Variants in GRID1 observed in about 807,000 individuals in gnomAD.
GRID1 encodes glutamate receptor ionotropic, delta-1.
Under a neutral mutation model 98.0 loss-of-function variants are expected in GRID1, and 28 were observed. The observed-to-expected ratio is 0.29, with a 90% CI of 0.21 to 0.39. GRID1 has a LOEUF of 0.39. Among genes scored for constraint, GRID1 ranks in the 10% least tolerant of loss-of-function variants. The probability of loss-of-function intolerance (pLI) is 1.00; values close to 1 mark genes in which losing one functional copy is unlikely to be tolerated. For synonymous variants in GRID1, 553 were observed against 538.5 expected (o/e 1.03, Z -0.37); for missense variants, 1,111 against 1,340.5 (o/e 0.83, Z 2.67).
At chr10:85,943,566 C>A (rs1262888632) in intron 4 of GRID1, among the ~76,000 whole-genome samples, 1 of 152,152 alleles carries the variant, frequency 6.6e-6, no homozygotes, top group African/African-American at 2.4e-5. Context: ...GGGATTGAAT[C>A]TACCCCCACC....
intron 8 of GRID1, among the ~76,000 whole-genome samples, chr10:85,853,453 G>A (rs1843079099): frequency 6.6e-6 from 1 of 152,200 alleles, no homozygotes; most frequent in African/African-American, 2.4e-5. Flanking sequence ...GTGTACGTGT[G>A]TGTGTGTGAG....
At chr10:85,764,071 C>A (rs1233135966) in intron 8 of GRID1, among the ~76,000 whole-genome samples, 2 of 152,092 alleles carry the variant, frequency 1.3e-5, no homozygotes, top group Non-Finnish European at 2.9e-5. Flanking sequence ...GCGTTTTCTG[C>A]CTGTAAAACT....
At chr10:85,789,297 C>G (rs1842457133) in intron 8 of GRID1, among the ~76,000 whole-genome samples, 1 of 152,136 alleles carries the variant, frequency 6.6e-6, no homozygotes, top group Non-Finnish European at 1.5e-5. Flanking sequence ...GCACAGAGTA[C>G]CGCCATCCGT....
chr10:86,117,539 CCAT>C (rs775225747), intron 4 of GRID1, among the ~76,000 whole-genome samples: 5 of 151,516 alleles, frequency 3.3e-5, no homozygotes, highest in African/African-American at 4.9e-5. Context: ...ATCACCACTA[CCAT>C]CATCACCACT....
At chr10:86,340,281 C>T in intron 2 of GRID1, among the ~76,000 whole-genome samples, 1 of 152,208 alleles carries the variant, frequency 6.6e-6, no homozygotes, top group South Asian at 2.1e-4. Flanking sequence ...ACCAAAAAGT[C>T]AGTCAGCAAC....
chr10:86,167,174 G>A (rs2131990508), intron 3 of GRID1, among the ~76,000 whole-genome samples: 1 of 152,322 alleles, frequency 6.6e-6, no homozygotes, highest in East Asian at 1.9e-4. Context: ...CTGATCTATT[G>A]GGGGACCAAG....
At chr10:85,935,272 C>T (rs140562103) in intron 4 of GRID1, among the ~76,000 whole-genome samples, 162 of 152,286 alleles carry the variant, frequency 1.1e-3, no homozygotes, top group Non-Finnish European at 1.3e-3. Context: ...GCCAAAGACC[C>T]CTCAATTGCC....
rs548064636 is a variant in GRID1 at position 86,065,536 on chromosome 10, G to A, written c.726+73283C>T. 2.6e-5 allele frequency among the ~76,000 whole-genome samples: 4 copies of A among 152,384 alleles called. No individual in the cohort carries two copies. In the East Asian group the frequency reaches 7.7e-4, roughly 29 times the overall value. ...GCACTCCCCTGCCCTGTGGCCAGGTGCTCTTTACCTGTCTATTTCCTAGCC... is the reference window on the plus strand; with the variant it reads ...GCACTCCCCTGCCCTGTGGCCAGGTACTCTTTACCTGTCTATTTCCTAGCC... On this transcript the variant is annotated intron_variant, in intron 4 of 15. Transcript: ENST00000327946.
intron 8 of GRID1, 112 bp from the exon 9 acceptor site, chr10:85,729,726 C>T (rs1162422618): frequency 3.2e-6 from 2 of 619,624 alleles, no homozygotes; most frequent in Admixed American, 2.8e-5. Flanking sequence ...AACAGTAGTC[C>T]CCTGGAGTTC....
chr10:86,035,066 A>C (rs1032274402), intron 4 of GRID1, among the ~76,000 whole-genome samples: 8 of 151,810 alleles, frequency 5.3e-5, no homozygotes, highest in Non-Finnish European at 1.2e-4. Context: ...AGTCATTTGG[A>C]AAGGAGGTTT....
At chr10:86,248,563 CTTTTTTTT>C (rs200060771) in intron 2 of GRID1, among the ~76,000 whole-genome samples, 1 of 121,840 alleles carries the variant, frequency 8.2e-6, no homozygotes, top group South Asian at 2.7e-4. Context: ...CATGACAATT[CTTTTTTTT>C]TTTTTTTTTT....
At chr10:85,675,485 C>A (rs577731673) in intron 12 of GRID1, among the ~76,000 whole-genome samples, 1 of 152,172 alleles carries the variant, frequency 6.6e-6, no homozygotes, top group African/African-American at 2.4e-5. Context: ...AGACATCTTA[C>A]GTGTATCACT....
chr10:85,741,445 T>G (rs1841942302), intron 8 of GRID1, among the ~76,000 whole-genome samples: 1 of 152,120 alleles, frequency 6.6e-6, no homozygotes, highest in South Asian at 2.1e-4. Context: ...CCAGGAGCAT[T>G]GCAGCATGTC....
chr10:86,359,866 A>T (rs146919882), intron 2 of GRID1, among the ~76,000 whole-genome samples: 1 of 152,232 alleles, frequency 6.6e-6, no homozygotes. Context: ...AAATTTTCAC[A>T]CTATTTGTTA....
chr10:85,868,427 G>A (rs11201818), intron 6 of GRID1, among the ~76,000 whole-genome samples: 1 of 152,138 alleles, frequency 6.6e-6, no homozygotes, highest in South Asian at 2.1e-4. Context: ...CACATACTTA[G>A]GGTTGAAGGA....
At chr10:86,008,996 G>A (rs553304915) in intron 4 of GRID1, among the ~76,000 whole-genome samples, 3 of 152,146 alleles carry the variant, frequency 2.0e-5, no homozygotes, top group East Asian at 1.9e-4. Context: ...GATTACAAAG[G>A]AGACACCATT....
In GRID1 at chr10:85,599,802, A is replaced by AAAAAAATATATATATATATATAT; in HGVS notation, c.*2470_*2471insATATATATATATATATATTTTTT. The AAAAAAATATATATATATATATAT allele has an allele frequency of 8.4e-3, 541 of 64,536 alleles. 3 individuals carry two copies. The highest frequency in any genetic ancestry group is 0.012 in the Non-Finnish European group (449 of 38,422). 4.0% of individuals were successfully genotyped at this position (64,536 alleles called of 1,614,324 possible). On this transcript the variant is annotated 3_prime_UTR_variant, in exon 16 of 16. Transcript: ENST00000327946. ...GTAGAAAATTCTAAAAAAAAAAAAA[A>AAAAAAATATATATATATATATAT]ATATATATATATATATATAAACATG... is the stretch of plus-strand genomic sequence containing the variant.
chr10:86,326,054 A>G lies in GRID1; in HGVS notation c.235+37887T>C, dbSNP rs192597979. 2.2e-3 allele frequency among the ~76,000 whole-genome samples: 334 copies of G among 152,398 alleles called. 2 individuals are homozygous for G. The highest frequency in any genetic ancestry group is 4.2e-3 in the Non-Finnish European group (286 of 68,040). On this transcript the variant is annotated intron_variant, in intron 2 of 15. Transcript: ENST00000327946. ...AGCAAAACTCAAGGATATAAAATCA[A>G]TATGCAAAAATCAATAGCTTTCGTG...
At chr10:86,187,344 C>T (rs984823177) in intron 3 of GRID1, among the ~76,000 whole-genome samples, 9 of 152,176 alleles carry the variant, frequency 5.9e-5, no homozygotes, top group East Asian at 1.9e-4. Context: ...ATGATGTAGA[C>T]GCCTACAGGC....
Sources: gnomAD v4.1 joint callset for allele counts (sites outside exome capture counted in the v4.1 genomes callset) on GRCh38, gnomAD v4.1.1 for gene constraint, MANE v1.5 for transcripts, NCBI Gene and HGNC (gene_info 2026-07-23, HGNC 2026-07-21) for gene names.